The following SLC16A12 variants were observed in gnomAD, a reference collection of about 807,000 sequenced individuals.
The protein encoded by SLC16A12 is monocarboxylate transporter 12.
Under a neutral mutation model 42.4 loss-of-function variants are expected in SLC16A12, and 17 were observed. The ratio of observed to expected loss-of-function variants is 0.40; its 90% CI spans 0.27 to 0.60. SLC16A12 has a LOEUF of 0.60. Ranked by LOEUF, SLC16A12 falls within the 20% of genes least tolerant of loss-of-function variation. The pLI is 0.42. For missense variants in SLC16A12, 544 were observed against 623.0 expected, an observed-to-expected ratio of 0.87 and a Z score of 1.35; for synonymous variants, 224 against 229.4, an observed-to-expected ratio of 0.98 and a Z score of 0.21.
chr10:89,456,154 A>G lies in SLC16A12; in HGVS notation c.200+6225T>C, dbSNP rs1842185812. ...CTAAAAGTCCTGCCACTTACTAACCATGGGACCTTGGACATGTTCTTCAAC... is the reference window on the plus strand; with the variant it reads ...CTAAAAGTCCTGCCACTTACTAACCGTGGGACCTTGGACATGTTCTTCAAC... On this transcript the variant is annotated intron_variant, in intron 3 of 7. Coordinates refer to ENST00000371790, the MANE Select transcript of SLC16A12 (RefSeq NM_213606.4). 4 of 152,180 alleles carry G rather than the reference A, an allele frequency of 2.6e-5. No homozygotes were observed. In the South Asian group the frequency reaches 8.3e-4, roughly 32 times the overall value. The allele number at this position is 152,180 out of a possible 1,614,324, so 9.4% of individuals were successfully genotyped here.
chr10:89,458,261 G>A (rs1842232195), intron 3 of SLC16A12, among the ~76,000 whole-genome samples: 1 of 152,206 alleles, frequency 6.6e-6, no homozygotes, highest in Admixed American at 6.5e-5. Context: ...AAACGAGGCA[G>A]GGGTTTTCAG....
chr10:89,486,978 C>T (rs2133799142), intron 2 of SLC16A12, among the ~76,000 whole-genome samples: 1 of 152,334 alleles, frequency 6.6e-6, no homozygotes, highest in South Asian at 2.1e-4. Context: ...AGTCAAAAGA[C>T]ACTCCAGGAG....
chr10:89,485,768 AAGG>A lies in SLC16A12; in HGVS notation c.-46-23147_-46-23145del, dbSNP rs748620985. ...TAAGCATAGTGTGTTTGTGTGCAGAAAGGAGAGCAGCGTGTGTAGATCAGTAGG... is the reference window on the plus strand; with the variant it reads ...TAAGCATAGTGTGTTTGTGTGCAGAAAGAGCAGCGTGTGTAGATCAGTAGG... On this transcript the variant is annotated intron_variant, in intron 2 of 7. Coordinates refer to ENST00000371790, the MANE Select transcript of SLC16A12 (RefSeq NM_213606.4). Among the ~76,000 whole-genome samples, 5 of 152,334 alleles carry A rather than the reference AAGG, an allele frequency of 3.3e-5. No homozygotes were observed. The East Asian group carries it at 7.7e-4, about 24-fold the overall frequency.
At chr10:89,440,061 T>A (rs529721388) in intron 5 of SLC16A12, among the ~76,000 whole-genome samples, 1 of 97,794 alleles carries the variant, frequency 1.0e-5, no homozygotes, top group African/African-American at 4.0e-5. Flanking sequence ...CCGAGCCAGA[T>A]AGACCCTGTC....
intron 2 of SLC16A12, among the ~76,000 whole-genome samples, chr10:89,553,573 T>C (rs1048832218): frequency 1.3e-5 from 2 of 152,206 alleles, no homozygotes; most frequent in Admixed American, 1.3e-4. Context: ...GTGACAATAT[T>C]GGACAAGTTG....
intron 2 of SLC16A12, among the ~76,000 whole-genome samples, chr10:89,470,994 G>A (rs1362592670): frequency 6.6e-6 from 1 of 152,170 alleles, no homozygotes; most frequent in East Asian, 1.9e-4. Flanking sequence ...AGAGAGGAGA[G>A]AAACAACCCT....
At chr10:89,495,056 C>G (rs992930618) in intron 2 of SLC16A12, among the ~76,000 whole-genome samples, 9 of 152,106 alleles carry the variant, frequency 5.9e-5, no homozygotes, top group African/African-American at 2.2e-4. Flanking sequence ...ACTCTAAAAA[C>G]ACTAGGAACT....
Position 89,438,696 on chromosome 10 carries a change from T to C in SLC16A12, c.936A>G (p.Gly312=). ...VYLVPYALSV[G]VSHQQAAFLM... Reference sequence around the variant, plus strand: ...GAAAAGCAGCTTGCTGATGACTCACTCCAACACTCAAAGCATAAGGCACCA... The same window carrying C: ...GAAAAGCAGCTTGCTGATGACTCACCCCAACACTCAAAGCATAAGGCACCA... Residue 312 remains glycine, a synonymous_variant, in exon 6 of 8, where the codon GGA becomes GGG. Transcript: ENST00000371790. The C allele has an allele frequency of 6.2e-7, 1 of 1,614,092 alleles. No individual in the cohort carries two copies. The highest frequency in any genetic ancestry group is 8.5e-7 in the Non-Finnish European group (1 of 1,180,008).
chr10:89,502,106 G>C (rs960466770), intron 2 of SLC16A12, among the ~76,000 whole-genome samples: 9 of 152,102 alleles, frequency 5.9e-5, no homozygotes, highest in African/African-American at 1.9e-4. Context: ...AGTTAGGGAG[G>C]ATGTAGGGTA....
chr10:89,554,087 A>AGAAAGAAAGAAGGAAGGAAGGAAGGAAG (rs1843790387), intron 2 of SLC16A12, among the ~76,000 whole-genome samples: 85 of 34,192 alleles, frequency 2.5e-3, no homozygotes, highest in African/African-American at 8.8e-3. Flanking sequence ...AAAGAAAGAA[A>AGAAAGAAAGAAGGAAGGAAGGAAGGAAG]GAAAGAAAGA....
Position 89,432,206 on chromosome 10 carries a change from A to G in SLC16A12, c.*858T>C, listed in dbSNP as rs1841705059. 1 of 152,638 alleles carries G rather than the reference A, an allele frequency of 6.6e-6. No homozygotes were observed. The highest frequency in any genetic ancestry group is 1.5e-5 in the Non-Finnish European group (1 of 68,040). 9.5% of individuals were successfully genotyped at this position (152,638 alleles called of 1,614,324 possible). ...AAGACGGGAAGTTTTGGTGTTGTTGACATTTCAGGTAAGATTGAGAGGTTG... is the reference window on the plus strand; with the variant it reads ...AAGACGGGAAGTTTTGGTGTTGTTGGCATTTCAGGTAAGATTGAGAGGTTG... On this transcript the variant is annotated 3_prime_UTR_variant, in exon 8 of 8. Coordinates refer to ENST00000371790, the MANE Select transcript of SLC16A12 (RefSeq NM_213606.4).
chr10:89,443,422 A>C (rs1156728959), intron 4 of SLC16A12, among the ~76,000 whole-genome samples: 1 of 152,204 alleles, frequency 6.6e-6, no homozygotes, highest in Non-Finnish European at 1.5e-5. Flanking sequence ...GAGAGAAGCC[A>C]AGCATATACT....
intron 3 of SLC16A12, among the ~76,000 whole-genome samples, chr10:89,457,041 A>G (rs1027830053): frequency 6.6e-6 from 1 of 152,216 alleles, no homozygotes; most frequent in Non-Finnish European, 1.5e-5. Context: ...TTTATATTAT[A>G]ATAGAATGAT....
intron 2 of SLC16A12, among the ~76,000 whole-genome samples, chr10:89,548,113 C>T (rs1468718119): frequency 6.6e-6 from 1 of 151,918 alleles, no homozygotes; most frequent in Admixed American, 6.6e-5. Flanking sequence ...ACTGCAGGTA[C>T]TAATGCAGGT....
intron 2 of SLC16A12, among the ~76,000 whole-genome samples, chr10:89,529,384 G>C (rs1221267763): frequency 2.0e-5 from 3 of 151,966 alleles, no homozygotes; most frequent in African/African-American, 7.2e-5. Flanking sequence ...GTCTACAAAT[G>C]ATTTGGGTGA....
intron 2 of SLC16A12, among the ~76,000 whole-genome samples, chr10:89,479,181 G>A (rs1303194037): frequency 3.3e-5 from 5 of 152,186 alleles, no homozygotes; most frequent in South Asian, 2.1e-4. Flanking sequence ...ATCCTGTGGG[G>A]TGGAGACTCC....
intron 3 of SLC16A12, among the ~76,000 whole-genome samples, chr10:89,453,762 A>G (rs1395269173): frequency 6.6e-6 from 1 of 151,666 alleles, no homozygotes. Context: ...AGTTATCCTT[A>G]CCCGAAGGCT....
At chr10:89,444,053 C>CA (rs1841959041) in intron 3 of SLC16A12, among the ~76,000 whole-genome samples, 194 bp from the exon 4 acceptor site, 1 of 152,172 alleles carries the variant, frequency 6.6e-6, no homozygotes. Flanking sequence ...TCAACCACCA[C>CA]AGGGGCTACT....
intron 2 of SLC16A12, among the ~76,000 whole-genome samples, chr10:89,481,662 TGTGA>T (rs1323991472): frequency 7.3e-5 from 10 of 136,920 alleles, no homozygotes; most frequent in South Asian, 4.8e-4. Context: ...TGTGTGTGTG[TGTGA>T]GAGAGAGAGA....
Sources: allele counts gnomAD v4.1 joint callset (sites outside exome capture counted in the v4.1 genomes callset), GRCh38; gene constraint gnomAD v4.1.1; transcripts MANE v1.5; gene names NCBI Gene and HGNC (gene_info 2026-07-23, HGNC 2026-07-21).